Variants in ELAPOR1 observed in about 807,000 individuals in gnomAD.
The protein encoded by ELAPOR1 is endosome/lysosome-associated apoptosis and autophagy regulator 1.
In ELAPOR1, 77 loss-of-function variants were observed where a neutral mutation model predicts 119.7. The ratio of observed to expected loss-of-function variants is 0.64; its 90% CI spans 0.54 to 0.78. ELAPOR1 has a LOEUF of 0.78. Among genes scored for constraint, ELAPOR1 ranks in the 30% least tolerant of loss-of-function variants. ELAPOR1 has a pLI of 0.00. For missense variants in ELAPOR1, 1,115 were observed against 1,270.4 expected (o/e 0.88, Z 1.86); for synonymous variants, 481 against 487.2 (o/e 0.99, Z 0.17).
rs763411677 is a variant in ELAPOR1 at position 109,202,907 on chromosome 1, G to A, written c.2974-37G>A. 3.7e-6 allele frequency: 6 copies of A among 1,612,656 alleles called. No homozygotes were observed. In the African/African-American group the frequency reaches 6.7e-5, roughly 18 times the overall value. On this transcript the variant is annotated intron_variant, in intron 21 of 21. Transcript: ENST00000369939. ...CTCCTTTGTCCCCAAACTTGCCCCT[G>A]TGCAGCAGCCAGCTCCTGTCACCAT...
intron 14 of ELAPOR1, among the ~76,000 whole-genome samples, chr1:109,194,007 T>C (rs1458806402): frequency 2.0e-5 from 3 of 152,156 alleles, no homozygotes; most frequent in East Asian, 1.9e-4. Flanking sequence ...AGTTTTGCAC[T>C]GTGAGGGGGT....
At chr1:109,125,143 G>A (rs140143974) in intron 1 of ELAPOR1, among the ~76,000 whole-genome samples, 1 of 152,148 alleles carries the variant, frequency 6.6e-6, no homozygotes, top group East Asian at 1.9e-4. Context: ...TGGCCAGGCT[G>A]GTCTTGAACT....
chr1:109,176,895 CAT>C (rs1485732528), intron 7 of ELAPOR1, among the ~76,000 whole-genome samples: 1 of 145,754 alleles, frequency 6.9e-6, no homozygotes, highest in African/African-American at 2.6e-5. Context: ...GGATACAGCA[CAT>C]GTTTCAGAGA....
chr1:109,188,127 G>A, intron 8 of ELAPOR1, 50 bp from the exon 9 acceptor site: 1 of 1,553,994 alleles, frequency 6.4e-7, no homozygotes. Context: ...GAGTCCCAAA[G>A]ATGTCCTAAA....
At chr1:109,154,547 G>A (rs891593600) in intron 1 of ELAPOR1, among the ~76,000 whole-genome samples, 2 of 152,134 alleles carry the variant, frequency 1.3e-5, no homozygotes, top group South Asian at 2.1e-4. Context: ...GAGGACCTTC[G>A]CAGCCTGGGG....
intron 7 of ELAPOR1, among the ~76,000 whole-genome samples, chr1:109,179,906 C>A (rs1053762757): frequency 8.6e-5 from 13 of 150,342 alleles, no homozygotes; most frequent in African/African-American, 3.2e-4. Flanking sequence ...AACTCCATCT[C>A]AAAAAAAAAG....
At position 109,161,986 on chromosome 1, in the gene ELAPOR1, G is replaced by A. The variant is rs1319111957; in HGVS notation, c.246G>A (p.Leu82=). ...VPHTPGLCTS[L]PDPIKGTECS... ...ATACCCCGGGCCTGTGCACCAGCCT[G>A]CCTGACCCCATCAAGGGCACCGAGT... Residue 82 remains leucine, a synonymous_variant, in exon 2 of 22, where the codon CTG becomes CTA. Transcript: ENST00000369939. The A allele has an allele frequency of 1.9e-6, 3 of 1,613,562 alleles. No individual in the cohort carries two copies. The highest frequency in any genetic ancestry group is 2.5e-6 in the Non-Finnish European group (3 of 1,179,544).
intron 1 of ELAPOR1, among the ~76,000 whole-genome samples, chr1:109,158,089 T>C (rs1307991073): frequency 2.0e-5 from 3 of 152,176 alleles, no homozygotes; most frequent in African/African-American, 7.2e-5. Context: ...GGTTTCACCA[T>C]GATGGCCAGG....
At chr1:109,154,983 T>G (rs767964367) in intron 1 of ELAPOR1, among the ~76,000 whole-genome samples, 3 of 152,132 alleles carry the variant, frequency 2.0e-5, no homozygotes, top group Non-Finnish European at 4.4e-5. Context: ...CAATGGCAAC[T>G]AAACCTCTTT....
intron 1 of ELAPOR1, among the ~76,000 whole-genome samples, chr1:109,119,111 G>A (rs954133710): frequency 6.6e-6 from 1 of 151,848 alleles, no homozygotes; most frequent in Non-Finnish European, 1.5e-5. Context: ...TGGCCAGGCT[G>A]GTCTTGAACT....
At chr1:109,201,081 C>A (rs934752480) in intron 21 of ELAPOR1, among the ~76,000 whole-genome samples, 181 bp downstream of exon 21, 4 of 152,212 alleles carry the variant, frequency 2.6e-5, no homozygotes, top group African/African-American at 9.6e-5. Flanking sequence ...CACCAATACT[C>A]TTTCCCCCGG....
chr1:109,178,322 A>G (rs1652478924), intron 7 of ELAPOR1, among the ~76,000 whole-genome samples: 1 of 152,010 alleles, frequency 6.6e-6, no homozygotes, highest in Non-Finnish European at 1.5e-5. Context: ...GTGAGTTTTT[A>G]CTATGAGGAA....
chr1:109,146,631 G>C (rs1277036457), intron 1 of ELAPOR1, among the ~76,000 whole-genome samples: 1 of 152,206 alleles, frequency 6.6e-6, no homozygotes, highest in Admixed American at 6.5e-5. Context: ...AGCCACACTA[G>C]GTGAGACAGC....
At chr1:109,143,197 G>A (rs942183249) in intron 1 of ELAPOR1, among the ~76,000 whole-genome samples, 3 of 152,058 alleles carry the variant, frequency 2.0e-5, no homozygotes, top group Admixed American at 1.3e-4. Flanking sequence ...AGATCCACCC[G>A]CCTTGGCCTC....
At chr1:109,192,429 T>C (rs1036872903) in intron 13 of ELAPOR1, among the ~76,000 whole-genome samples, 182 bp from the exon 14 acceptor site, 1 of 152,208 alleles carries the variant, frequency 6.6e-6, no homozygotes, top group Non-Finnish European at 1.5e-5. Flanking sequence ...AGTCTCATTT[T>C]AAAATGACAT....
At position 109,200,855 on chromosome 1, in the gene ELAPOR1, CAG is replaced by C; in HGVS notation, c.2929_2930del (p.Ser977GlnfsTer18). On this transcript the variant is annotated frameshift_variant, in exon 21 of 22. Coordinates refer to ENST00000369939, the MANE Select transcript of ELAPOR1 (RefSeq NM_020775.5). LOFTEE classifies it high-confidence loss of function. Reference sequence around the variant, plus strand: ...ATGTAGAGGACGACCTCATCTTTACCAGCAAGAAGTCACTCTTTGGGAAGATC... The same window carrying C: ...ATGTAGAGGACGACCTCATCTTTACCCAAGAAGTCACTCTTTGGGAAGATC... ...EDVEDDLIFT[S>X]KKSLFGKIKS... is the part of the protein sequence containing the mutation. 1 of 1,614,184 alleles carries C rather than the reference CAG, an allele frequency of 6.2e-7. No homozygotes were observed. Among genetic ancestry groups the C allele is most frequent in the Non-Finnish European group, 8.5e-7 (1 of 1,180,024 alleles).
At position 109,205,111 on chromosome 1, in the gene ELAPOR1, A is replaced by G. The variant is rs966782805; in HGVS notation, c.*2099A>G. 2.6e-5 allele frequency: 4 copies of G among 152,192 alleles called. No individual in the cohort carries two copies. Among genetic ancestry groups the G allele is most frequent in the Non-Finnish European group, 5.9e-5 (4 of 68,034 alleles). 9.4% of individuals were successfully genotyped at this position (152,192 alleles called of 1,614,324 possible). ...CACAAACTATTATCAATGAACTTTT[A>G]AGTACCTAGAATGGGTAAAACCAGA... On this transcript the variant is annotated 3_prime_UTR_variant, in exon 22 of 22. Coordinates refer to ENST00000369939, the MANE Select transcript of ELAPOR1 (RefSeq NM_020775.5).
In ELAPOR1 at chr1:109,192,679, G is replaced by A. The variant is rs773983197; in HGVS notation, c.1752G>A (p.Val584=). The part of the protein sequence containing the change: ...SINVTNVMNG[V]ASYCRPCALE... Reference sequence around the variant, plus strand: ...ATGTCACCAATGTTATGAATGGTGTGGCCTCCTACTGCCGTCCCTGTGCCC... The same window carrying A: ...ATGTCACCAATGTTATGAATGGTGTAGCCTCCTACTGCCGTCCCTGTGCCC... Residue 584 remains valine (V), a synonymous_variant, in exon 14 of 22, where the codon GTG becomes GTA. Transcript: ENST00000369939. 174 of 1,613,926 alleles carry A rather than the reference G, an allele frequency of 1.1e-4. No homozygotes were observed. The highest frequency in any genetic ancestry group is 1.4e-4 in the Non-Finnish European group (163 of 1,179,978).
intron 11 of ELAPOR1, 92 bp from the exon 12 acceptor site, chr1:109,191,274 C>T (rs1416762686): frequency 3.6e-6 from 3 of 825,464 alleles, no homozygotes; most frequent in African/African-American, 1.7e-5. Flanking sequence ...AGAACTTAAC[C>T]CTGTCCCCCA....
Sources: gnomAD v4.1 joint callset for allele counts (sites outside exome capture counted in the v4.1 genomes callset) on GRCh38, gnomAD v4.1.1 for gene constraint, MANE v1.5 for transcripts, NCBI Gene and HGNC (gene_info 2026-07-23, HGNC 2026-07-21) for gene names.